The following LIPA variants were observed in gnomAD, a reference collection of about 807,000 sequenced individuals.
LIPA encodes lysosomal acid lipase/cholesteryl ester hydrolase.
In LIPA, 26 loss-of-function variants were observed where a neutral mutation model predicts 40.6. The observed-to-expected ratio is 0.64, with a 90% confidence interval of 0.47 to 0.89. The LOEUF (loss-of-function observed/expected upper bound fraction) is 0.89. LIPA is among the 40% of genes least tolerant of loss of function. LIPA has a pLI of 0.00. For missense variants in LIPA, 455 were observed against 479.6 expected (o/e 0.95, Z 0.48); for synonymous variants, 188 against 168.4 (o/e 1.12, Z -0.90).
At chr10:89,291,092 C>T (rs1157061236) in intron 1 of LIPA, among the ~76,000 whole-genome samples, 1 of 151,950 alleles carries the variant, frequency 6.6e-6, no homozygotes, top group Non-Finnish European at 1.5e-5. Context: ...GATGACTTCT[C>T]GGTCTCCTTT....
intron 1 of LIPA, among the ~76,000 whole-genome samples, chr10:89,319,232 T>C (rs928967624): frequency 1.1e-4 from 17 of 151,768 alleles, no homozygotes; most frequent in African/African-American, 4.1e-4. Flanking sequence ...CTGAAGGAGA[T>C]AGAGACAAAA....
chr10:89,226,190 TC>T (rs111647842), intron 5 of LIPA, among the ~76,000 whole-genome samples: 2 of 152,158 alleles, frequency 1.3e-5, no homozygotes, highest in Non-Finnish European at 2.9e-5. Flanking sequence ...TCCATTTTTT[TC>T]CTGGCAATAT....
chr10:89,327,486 G>A (rs891259103), intron 1 of LIPA, among the ~76,000 whole-genome samples: 5 of 152,134 alleles, frequency 3.3e-5, no homozygotes, highest in African/African-American at 1.2e-4. Flanking sequence ...AGGAGGCAGA[G>A]GTTGCAGTGA....
Position 89,214,908 on chromosome 10 carries a change from G to A in LIPA, c.1120C>T (p.His374Tyr), listed in dbSNP as rs367664486. 7.4e-6 allele frequency: 12 copies of A among 1,613,990 alleles called. No homozygotes were observed. The highest frequency in any genetic ancestry group is 1.0e-5 in the Non-Finnish European group (12 of 1,179,888). Residue 374 changes from histidine to tyrosine, a missense_variant, in exon 10 of 10, where the codon CAT becomes TAT. By Grantham distance (83) the His-to-Tyr change is moderately conservative. Transcript: ENST00000336233. Reference protein sequence around the residue: ...VFHESIPEWEHLDFIWGLDAP... With the variant: ...VFHESIPEWEYLDFIWGLDAP... ...TCCAGGCCCCAAATGAAGTCAAGAT[G>A]CTCCCATTCCGGAATGCTCTCATGG...
At chr10:89,241,152 A>G (rs1842960482) in intron 3 of LIPA, among the ~76,000 whole-genome samples, 1 of 152,208 alleles carries the variant, frequency 6.6e-6, no homozygotes, top group African/African-American at 2.4e-5. Flanking sequence ...GCGGTTAACC[A>G]GGAGGAAGAG....
chr10:89,334,926 A>G (rs868463260), intron 1 of LIPA, among the ~76,000 whole-genome samples: 16 of 152,322 alleles, frequency 1.1e-4, no homozygotes, highest in Middle Eastern at 6.8e-3. Context: ...TTTCAAAAAC[A>G]CATATGAGAT....
intron 8 of LIPA, among the ~76,000 whole-genome samples, chr10:89,220,484 ACCTG>A (rs1842684265): frequency 6.6e-6 from 1 of 152,166 alleles, no homozygotes; most frequent in South Asian, 2.1e-4. Context: ...AAAAGCAGAG[ACCTG>A]AACCAAGAAC....
At chr10:89,342,024 T>C (rs1216688661) in intron 1 of LIPA, among the ~76,000 whole-genome samples, 1 of 152,214 alleles carries the variant, frequency 6.6e-6, no homozygotes, top group African/African-American at 2.4e-5. Flanking sequence ...CGTTCCACAA[T>C]GTATACATAT....
chr10:89,335,169 A>C (rs1843715710), intron 1 of LIPA, among the ~76,000 whole-genome samples: 1 of 152,186 alleles, frequency 6.6e-6, no homozygotes, highest in Non-Finnish European at 1.5e-5. Context: ...AAAAATCAAG[A>C]GAATCAAGGG....
At chr10:89,339,377 C>G in intron 1 of LIPA, 1 of 1,614,078 alleles carries the variant, frequency 6.2e-7, no homozygotes, top group Non-Finnish European at 8.5e-7. Context: ...CCTTGCCAAA[C>G]AGATGTCCTC....
chr10:89,399,416 A>G (rs1215353643), intron 2 of LIPA, among the ~76,000 whole-genome samples: 16 of 152,074 alleles, frequency 1.1e-4, no homozygotes, highest in Admixed American at 1.0e-3. Context: ...ATTGCCTGTG[A>G]TTTTGGTATC....
intron 2 of LIPA, among the ~76,000 whole-genome samples, chr10:89,352,788 T>TAAAAAAAAAAAAAA (rs34514402): frequency 8.8e-6 from 1 of 113,140 alleles, no homozygotes; most frequent in African/African-American, 3.2e-5. Context: ...ACTACAAAGA[T>TAAAAAAAAAAAAAA]AAAAAAAAAA....
chr10:89,249,740 G>A (rs1843088298), intron 1 of LIPA, among the ~76,000 whole-genome samples: 2 of 152,218 alleles, frequency 1.3e-5, no homozygotes, highest in Admixed American at 6.5e-5. Context: ...AGAAGGGGCA[G>A]TAAGAAAGGA....
At chr10:89,359,624 T>G (rs140837884) in intron 2 of LIPA, among the ~76,000 whole-genome samples, 38 of 152,330 alleles carry the variant, frequency 2.5e-4, no homozygotes, top group African/African-American at 9.1e-4. Context: ...GAAGCCCTCA[T>G]CAAGCTGCTC....
intron 1 of LIPA, among the ~76,000 whole-genome samples, chr10:89,309,711 C>T (rs149132825): frequency 9.3e-4 from 141 of 152,298 alleles, no homozygotes; most frequent in African/African-American, 3.3e-3. Flanking sequence ...AAAAGGGAAA[C>T]ATAACATATT....
chr10:89,385,549 G>C (rs780379431), intron 2 of LIPA, among the ~76,000 whole-genome samples: 5 of 152,166 alleles, frequency 3.3e-5, no homozygotes, highest in African/African-American at 1.2e-4. Context: ...GAAGGTTTCT[G>C]TTCCATGTGG....
intron 1 of LIPA, among the ~76,000 whole-genome samples, chr10:89,287,336 G>A (rs1380214541): frequency 1.3e-5 from 2 of 152,104 alleles, no homozygotes; most frequent in Non-Finnish European, 1.5e-5. Context: ...TAACTGTTGT[G>A]GGTATTGACG....
At position 89,250,459 on chromosome 10, in the gene LIPA, G is replaced by C. The variant is rs150116104; in HGVS notation, c.-2+1278C>G. ...CTTCAGTGTGCATTGGCAAAGCAAGGCCACTGCTTCTACTTACAACTTTGT... is the reference window on the plus strand; with the variant it reads ...CTTCAGTGTGCATTGGCAAAGCAAGCCCACTGCTTCTACTTACAACTTTGT... On this transcript the variant is annotated intron_variant, in intron 1 of 9. Coordinates refer to ENST00000336233, the MANE Select transcript of LIPA (RefSeq NM_000235.4). Among the ~76,000 whole-genome samples, 1,040 of 152,244 alleles carry C rather than the reference G, an allele frequency of 6.8e-3. 9 individuals carry two copies. Among genetic ancestry groups the C allele is most frequent in the African/African-American group, 0.024 (1,002 of 41,520 alleles).
At chr10:89,346,636 G>A (rs981373677), upstream of LIPA, among the ~76,000 whole-genome samples, 1 of 152,174 alleles carries the variant, frequency 6.6e-6, no homozygotes, top group African/African-American at 2.4e-5. Context: ...ATTATAAAGG[G>A]AAAGACATTG....
Sources: gnomAD v4.1 joint callset for allele counts (sites outside exome capture counted in the v4.1 genomes callset) on GRCh38, gnomAD v4.1.1 for gene constraint, MANE v1.5 for transcripts, NCBI Gene and HGNC (gene_info 2026-07-23, HGNC 2026-07-21) for gene names.